PTPRD: variants seen among roughly 807,000 people sequenced by gnomAD.
PTPRD encodes the protein protein tyrosine phosphatase receptor type D.
Under a neutral mutation model 214.5 loss-of-function variants are expected in PTPRD, and 34 were observed. The ratio of observed to expected loss-of-function variants is 0.16; its 90% CI spans 0.12 to 0.21. The LOEUF (loss-of-function observed/expected upper bound fraction) is 0.21. Ranked by LOEUF, PTPRD falls within the 10% of genes least tolerant of loss-of-function variation. The pLI is 1.00. For synonymous variants in PTPRD, 1,128 were observed against 845.7 expected, an observed-to-expected ratio of 1.33 and a Z score of -5.79; for missense variants, 2,545 against 2,398.7, an observed-to-expected ratio of 1.06 and a Z score of -1.27.
At chr9:10,077,907 A>C (rs551528136) in intron 3 of PTPRD, among the ~76,000 whole-genome samples, 28 of 151,868 alleles carry the variant, frequency 1.8e-4, no homozygotes, top group Admixed American at 1.6e-3. Context: ...GGTTTTGGTA[A>C]TCCACCTACC....
At chr9:8,781,529 G>T (rs187405540) in intron 11 of PTPRD, among the ~76,000 whole-genome samples, 2 of 152,086 alleles carry the variant, frequency 1.3e-5, no homozygotes. Flanking sequence ...CATTAGTATA[G>T]GAAAACAGGA....
At chr9:8,422,542 C>T (rs1443904606) in intron 35 of PTPRD, among the ~76,000 whole-genome samples, 3 of 152,152 alleles carry the variant, frequency 2.0e-5, no homozygotes, top group African/African-American at 7.2e-5. Flanking sequence ...AAAATGTCTT[C>T]TCTACAGTAA....
chr9:8,546,664 A>C (rs1388349897), intron 14 of PTPRD, among the ~76,000 whole-genome samples: 2 of 151,730 alleles, frequency 1.3e-5, no homozygotes, highest in African/African-American at 2.4e-5. Flanking sequence ...ATGCCTCGCT[A>C]CTTTTTTGTA....
chr9:8,919,063 C>T (rs1417047181), intron 11 of PTPRD, among the ~76,000 whole-genome samples: 1 of 152,114 alleles, frequency 6.6e-6, no homozygotes, highest in East Asian at 1.9e-4. Context: ...TTATTATGCT[C>T]TTCTCTATAA....
intron 10 of PTPRD, among the ~76,000 whole-genome samples, chr9:9,108,266 T>A (rs907833972): frequency 6.6e-6 from 1 of 152,178 alleles, no homozygotes; most frequent in Non-Finnish European, 1.5e-5. Context: ...TGTTTTCATT[T>A]TCTTCTTTAA....
At chr9:10,143,103 A>G (rs2098997997) in intron 3 of PTPRD, among the ~76,000 whole-genome samples, 1 of 152,000 alleles carries the variant, frequency 6.6e-6, no homozygotes, top group African/African-American at 2.4e-5. Flanking sequence ...GAAGGGGAAC[A>G]TCACACTCTG....
intron 7 of PTPRD, among the ~76,000 whole-genome samples, chr9:9,640,944 G>A (rs146007975): frequency 4.3e-4 from 66 of 152,336 alleles, no homozygotes; most frequent in African/African-American, 1.6e-3. Flanking sequence ...GTCAACGTAA[G>A]ATCAAATCCA....
intron 3 of PTPRD, among the ~76,000 whole-genome samples, chr9:10,270,997 G>A (rs558534875): frequency 4.4e-4 from 67 of 151,936 alleles, no homozygotes; most frequent in African/African-American, 1.6e-3. Flanking sequence ...TAATAGAAAA[G>A]AAAAAAATGT....
intron 2 of PTPRD, among the ~76,000 whole-genome samples, chr9:10,473,938 G>T (rs1027277477): frequency 6.6e-6 from 1 of 151,994 alleles, no homozygotes; most frequent in African/African-American, 2.4e-5. Flanking sequence ...TTTCAGAAAT[G>T]GGATTTTGTC....
intron 3 of PTPRD, among the ~76,000 whole-genome samples, chr9:10,182,302 C>G (rs2099301711): frequency 7.2e-6 from 1 of 138,164 alleles, no homozygotes; most frequent in Admixed American, 7.2e-5. Flanking sequence ...GAAAGGAATG[C>G]ATTTACTGCA....
chr9:10,490,603 A>G (rs529936951), intron 2 of PTPRD, among the ~76,000 whole-genome samples: 1 of 152,316 alleles, frequency 6.6e-6, no homozygotes, highest in East Asian at 1.9e-4. Context: ...TGAAATTTAA[A>G]TGATTTTGCA....
intron 8 of PTPRD, among the ~76,000 whole-genome samples, chr9:9,506,134 G>C (rs1051955336): frequency 6.6e-6 from 1 of 151,442 alleles, no homozygotes; most frequent in Non-Finnish European, 1.5e-5. Flanking sequence ...TTCAAAGCTG[G>C]TTTGAATACA....
At chr9:10,375,417 G>A (rs2097708673) in intron 2 of PTPRD, among the ~76,000 whole-genome samples, 1 of 151,978 alleles carries the variant, frequency 6.6e-6, no homozygotes, top group African/African-American at 2.4e-5. Flanking sequence ...CATGTCCTCT[G>A]AATTTAATAA....
In PTPRD at chr9:9,286,101, C is replaced by A. The variant is rs190098904; in HGVS notation, c.-202-102738G>T. On this transcript the variant is annotated intron_variant, in intron 9 of 45. Coordinates refer to ENST00000381196, the MANE Select transcript of PTPRD (RefSeq NM_002839.4). ...ATACATAAATTTTCTGTGGTAAATTCTTTTGTGACAACCCGGATATTCTAT... is the reference window on the plus strand; with the variant it reads ...ATACATAAATTTTCTGTGGTAAATTATTTTGTGACAACCCGGATATTCTAT... 6.6e-5 allele frequency among the ~76,000 whole-genome samples: 10 copies of A among 151,812 alleles called. No individual in the cohort carries two copies. The East Asian group carries it at 1.6e-3, about 24-fold the overall frequency.
In PTPRD at chr9:9,397,436, AAAAT is replaced by A. The variant is rs2068332377; in HGVS notation, c.-203+9_-203+12del. The A allele has an allele frequency of 6.6e-6, 1 of 152,442 alleles. No homozygotes were observed. Among genetic ancestry groups the A allele is most frequent in the Non-Finnish European group, 1.5e-5 (1 of 67,952 alleles). The allele number at this position is 152,442 out of a possible 1,614,324, so 9.4% of individuals were successfully genotyped here. A position where few individuals can be genotyped will look rare whatever the true frequency, so the allele number is the denominator to read the frequency against. The stretch of plus-strand genomic sequence containing the variant: ...TATTCCGTGCAGACATAAGATGAGC[AAAAT>A]AAACTTACCACAGTTGTTCAGTTAA... On this transcript the variant is annotated intron_variant, in intron 9 of 45. Coordinates refer to ENST00000381196, the MANE Select transcript of PTPRD (RefSeq NM_002839.4).
intron 9 of PTPRD, among the ~76,000 whole-genome samples, chr9:9,216,968 C>A (rs1442332260): frequency 6.6e-6 from 1 of 151,920 alleles, no homozygotes; most frequent in Non-Finnish European, 1.5e-5. Flanking sequence ...CTTCAGAGGG[C>A]ATTAGTTCTG....
chr9:9,444,778 A>G (rs1201307691), intron 8 of PTPRD, among the ~76,000 whole-genome samples: 1 of 152,184 alleles, frequency 6.6e-6, no homozygotes, highest in Non-Finnish European at 1.5e-5. Flanking sequence ...AGTAACTTTT[A>G]TATTTTAATT....
At chr9:9,834,568 C>T (rs1490667034) in intron 5 of PTPRD, among the ~76,000 whole-genome samples, 1 of 151,956 alleles carries the variant, frequency 6.6e-6, no homozygotes, top group Admixed American at 6.6e-5. Context: ...CAGCCACCAG[C>T]AGGATTATTT....
intron 9 of PTPRD, among the ~76,000 whole-genome samples, chr9:9,360,387 A>T (rs763174378): frequency 6.6e-6 from 1 of 151,288 alleles, no homozygotes; most frequent in Non-Finnish European, 1.5e-5. Context: ...CCTTAGACTT[A>T]GGCAAGTAAA....
Sources: gnomAD v4.1 joint callset for allele counts (sites outside exome capture counted in the v4.1 genomes callset) on GRCh38, gnomAD v4.1.1 for gene constraint, MANE v1.5 for transcripts, NCBI Gene and HGNC (gene_info 2026-07-23, HGNC 2026-07-21) for gene names.